Variants in NKAIN3 observed in about 807,000 individuals in gnomAD.
NKAIN3 encodes sodium/potassium-transporting ATPase subunit beta-1-interacting protein 3.
A neutral mutation model predicts 30.2 loss-of-function variants in NKAIN3; 25 were observed. The observed-to-expected ratio is 0.83, with a 90% confidence interval of 0.60 to 1.16. The LOEUF (loss-of-function observed/expected upper bound fraction) is 1.16. Among genes scored for constraint, NKAIN3 ranks in the 50% most tolerant of loss-of-function variants. NKAIN3 has a pLI of 0.00. For missense variants in NKAIN3, 225 were observed against 254.1 expected (o/e 0.89, Z 0.78); for synonymous variants, 91 against 89.6 (o/e 1.02, Z -0.09).
intron 1 of NKAIN3, among the ~76,000 whole-genome samples, chr8:62,345,521 A>ATG (rs1815953785): frequency 7.3e-6 from 1 of 137,442 alleles, no homozygotes; most frequent in Non-Finnish European, 1.5e-5. Context: ...ATACACATAT[A>ATG]TGTATATATA....
At chr8:62,867,052 C>G (rs1820444956) in intron 4 of NKAIN3, among the ~76,000 whole-genome samples, 1 of 92,922 alleles carries the variant, frequency 1.1e-5, no homozygotes, top group African/African-American at 3.9e-5. Flanking sequence ...GAGACTCCGT[C>G]TTAAAAAAAA....
At position 62,778,271 on chromosome 8, in the gene NKAIN3, A is replaced by T. The variant is rs376214311; in HGVS notation, c.471+31142A>T. ...GCAAGTGGGAAAACCAGCCAGGTTT[A>T]TGTCCTTCCCTTTAAGGCAGTGAGT... is the stretch of plus-strand genomic sequence containing the variant. On this transcript the variant is annotated intron_variant, in intron 4 of 6. Transcript: ENST00000623646. Among the ~76,000 whole-genome samples the T allele has an allele frequency of 4.6e-5, 7 of 152,236 alleles. No homozygotes were observed. The East Asian group carries it at 7.8e-4, about 17-fold the overall frequency.
chr8:62,652,832 G>A (rs938802384), intron 3 of NKAIN3, among the ~76,000 whole-genome samples: 6 of 152,084 alleles, frequency 3.9e-5, no homozygotes, highest in Non-Finnish European at 7.4e-5. Flanking sequence ...ACTGAGCCAC[G>A]GACAAGTTAT....
At chr8:62,787,725 T>C (rs1310845044) in intron 4 of NKAIN3, among the ~76,000 whole-genome samples, 1 of 152,042 alleles carries the variant, frequency 6.6e-6, no homozygotes, top group East Asian at 1.9e-4. Context: ...TTCCCCTTCC[T>C]GTGTCCATGT....
chr8:62,731,273 A>ACC (rs1554571735), intron 3 of NKAIN3, among the ~76,000 whole-genome samples: 5 of 127,512 alleles, frequency 3.9e-5, no homozygotes, highest in African/African-American at 1.1e-4. Flanking sequence ...ACACACACAC[A>ACC]CCCTTCCTTC....
intron 1 of NKAIN3, among the ~76,000 whole-genome samples, chr8:62,412,909 C>CAAAAAAAAAAAAAAAAAAAAA (rs71501599): frequency 1.0e-5 from 1 of 97,924 alleles, no homozygotes; most frequent in African/African-American, 4.2e-5. Flanking sequence ...GAGACTCCGT[C>CAAAAAAAAAAAAAAAAAAAAA]AAAAAAAAAA....
At chr8:62,345,527 A>T (rs1196067569) in intron 1 of NKAIN3, among the ~76,000 whole-genome samples, 1 of 142,118 alleles carries the variant, frequency 7.0e-6, no homozygotes, top group Non-Finnish European at 1.5e-5. Context: ...ATATATGTAT[A>T]TATACACACA....
chr8:62,374,679 GT>G (rs1817020816), intron 1 of NKAIN3, among the ~76,000 whole-genome samples: 2 of 152,154 alleles, frequency 1.3e-5, no homozygotes, highest in African/African-American at 4.8e-5. Flanking sequence ...AAATTAAACA[GT>G]TCTAGCAGGG....
chr8:62,784,584 A>G (rs1051007371), intron 4 of NKAIN3, among the ~76,000 whole-genome samples: 3 of 152,088 alleles, frequency 2.0e-5, no homozygotes, highest in Non-Finnish European at 4.4e-5. Flanking sequence ...TAAATTTTGA[A>G]TGTACTGAAA....
chr8:62,442,426 A>G (rs185337779), intron 1 of NKAIN3, among the ~76,000 whole-genome samples: 159 of 152,076 alleles, frequency 1.0e-3, no homozygotes, highest in African/African-American at 3.6e-3. Flanking sequence ...ATACCTGGAG[A>G]TATTTCCCTT....
intron 1 of NKAIN3, among the ~76,000 whole-genome samples, chr8:62,291,644 G>T (rs1394455044): frequency 6.6e-6 from 1 of 152,164 alleles, no homozygotes; most frequent in Non-Finnish European, 1.5e-5. Flanking sequence ...GCTGAGGAGT[G>T]CTTTACTTCG....
chr8:62,312,000 A>G (rs1356491576), intron 1 of NKAIN3, among the ~76,000 whole-genome samples: 1 of 150,544 alleles, frequency 6.6e-6, no homozygotes, highest in Non-Finnish European at 1.5e-5. Flanking sequence ...TTGCAGTGAC[A>G]GAAAATAAAA....
At chr8:62,804,554 C>A (rs1245032924) in intron 4 of NKAIN3, among the ~76,000 whole-genome samples, 1 of 151,984 alleles carries the variant, frequency 6.6e-6, no homozygotes, top group Admixed American at 6.6e-5. Context: ...AAAAACCACA[C>A]GATTATCTCA....
intron 1 of NKAIN3, among the ~76,000 whole-genome samples, chr8:62,515,277 C>G (rs188168919): frequency 4.7e-4 from 71 of 152,090 alleles, no homozygotes; most frequent in African/African-American, 1.5e-3. Context: ...TTTTAGTTAG[C>G]AAATAAAAAG....
chr8:62,380,906 T>C (rs562896971), intron 1 of NKAIN3, among the ~76,000 whole-genome samples: 1 of 152,278 alleles, frequency 6.6e-6, no homozygotes, highest in Admixed American at 6.5e-5. Flanking sequence ...GAAGAACTAT[T>C]ATGCCAATAA....
At chr8:62,765,704 G>T (rs1405494771) in intron 4 of NKAIN3, among the ~76,000 whole-genome samples, 1 of 152,046 alleles carries the variant, frequency 6.6e-6, no homozygotes, top group Non-Finnish European at 1.5e-5. Context: ...TTGAATAAAA[G>T]AAAGCTTTAA....
rs151018210 is a variant in NKAIN3 at position 62,837,342 on chromosome 8, C to T, written c.472-81111C>T. Among the ~76,000 whole-genome samples, 139 of 152,234 alleles carry T rather than the reference C, an allele frequency of 9.1e-4. 1 individual carries two copies. In the Middle Eastern group the frequency reaches 0.02, roughly 22 times the overall value. ...AATGATTTAATAATGATCACAACTG[C>T]TGAACCATAGTTTGGAAATTCAGTA... On this transcript the variant is annotated intron_variant, in intron 4 of 6. Coordinates refer to ENST00000623646, the MANE Select transcript of NKAIN3 (RefSeq NM_001304533.3).
In NKAIN3 at chr8:62,614,155, T is replaced by C. The variant is rs549438521; in HGVS notation, c.273+24361T>C. On this transcript the variant is annotated intron_variant, in intron 3 of 6. Transcript: ENST00000623646. Reference sequence around the variant, plus strand: ...CATTGTCTGGGCTTATTTGTAGCCATTCTTCTTGGGGAGGCTTTCTAGATA... The same window carrying C: ...CATTGTCTGGGCTTATTTGTAGCCACTCTTCTTGGGGAGGCTTTCTAGATA... Among the ~76,000 whole-genome samples, 31 of 152,256 alleles carry C rather than the reference T, an allele frequency of 2.0e-4. No individual in the cohort carries two copies. In the South Asian group the frequency reaches 6.0e-3, roughly 30 times the overall value.
chr8:62,429,955 C>A (rs1585799512), intron 1 of NKAIN3, among the ~76,000 whole-genome samples: 1 of 151,834 alleles, frequency 6.6e-6, no homozygotes, highest in East Asian at 1.9e-4. Context: ...CTCTTTCTAT[C>A]TTGTAAAACT....
Sources: gnomAD v4.1 joint callset for allele counts (sites outside exome capture counted in the v4.1 genomes callset) on GRCh38, gnomAD v4.1.1 for gene constraint, MANE v1.5 for transcripts, NCBI Gene and HGNC (gene_info 2026-07-23, HGNC 2026-07-21) for gene names.